The following RBMS1 variants were observed in gnomAD, a reference collection of about 807,000 sequenced individuals.
RBMS1 encodes RNA-binding motif, single-stranded-interacting protein 1.
In RBMS1, 17 loss-of-function variants were observed where a neutral mutation model predicts 62.3. That is an observed-to-expected ratio of 0.27 (90% CI 0.19 to 0.41). The LOEUF is 0.41. RBMS1 is among the 10% of genes least tolerant of loss of function. The pLI is 1.00. For missense variants in RBMS1, 334 were observed against 504.5 expected, an observed-to-expected ratio of 0.66 and a Z score of 3.24; for synonymous variants, 172 against 170.0, an observed-to-expected ratio of 1.01 and a Z score of -0.09.
chr2:160,370,232 G>A (rs1031218807), intron 1 of RBMS1, among the ~76,000 whole-genome samples: 4 of 152,218 alleles, frequency 2.6e-5, no homozygotes, highest in African/African-American at 4.8e-5. Flanking sequence ...GGGGCTAACT[G>A]AAGACAGAGA....
intron 2 of RBMS1, among the ~76,000 whole-genome samples, chr2:160,361,245 A>G (rs1693111664): frequency 6.6e-6 from 1 of 152,260 alleles, no homozygotes; most frequent in African/African-American, 2.4e-5. Context: ...TATGATGTCA[A>G]TACCACAGCA....
chr2:160,345,772 T>G (rs1692140908), intron 2 of RBMS1, among the ~76,000 whole-genome samples: 1 of 152,070 alleles, frequency 6.6e-6, no homozygotes, highest in Non-Finnish European at 1.5e-5. Context: ...TTGGCTAGAG[T>G]CTGTTTTCTA....
chr2:160,449,348 T>C (rs1341330113), intron 1 of RBMS1, among the ~76,000 whole-genome samples: 1 of 152,180 alleles, frequency 6.6e-6, no homozygotes, highest in Non-Finnish European at 1.5e-5. Context: ...TCATTGAGAA[T>C]GGGCCATGAT....
rs376299223 is a variant in RBMS1 at position 160,284,755 on chromosome 2, C to T, written c.900+20G>A. 6.2e-5 allele frequency: 94 copies of T among 1,527,538 alleles called. No homozygotes were observed. Among genetic ancestry groups the T allele is most frequent in the Non-Finnish European group, 7.8e-5 (86 of 1,101,420 alleles). 94.6% of individuals were successfully genotyped at this position (1,527,538 alleles called of 1,614,324 possible). A position where few individuals can be genotyped will look rare whatever the true frequency, so the allele number is the denominator to read the frequency against. On this transcript the variant is annotated intron_variant, in intron 9 of 13. Coordinates refer to ENST00000348849, the MANE Select transcript of RBMS1 (RefSeq NM_016836.4). ...GGTCCGCAAGTGGTTATACTGCTGACGAATCCTAAAGGTACAAACCTGGTA... is the reference window on the plus strand; with the variant it reads ...GGTCCGCAAGTGGTTATACTGCTGATGAATCCTAAAGGTACAAACCTGGTA...
At chr2:160,437,647 G>A (rs1033294585) in intron 1 of RBMS1, among the ~76,000 whole-genome samples, 12 of 152,192 alleles carry the variant, frequency 7.9e-5, no homozygotes, top group East Asian at 1.9e-4. Flanking sequence ...ACTTCCCAAG[G>A]GTTTGATGGA....
intron 10 of RBMS1, chr2:160,279,783 G>A (rs533866042): frequency 5.5e-4 from 84 of 152,282 alleles, no homozygotes; most frequent in African/African-American, 1.9e-3. Context: ...AGAGTTAGGT[G>A]TACAGGAACT....
intron 1 of RBMS1, among the ~76,000 whole-genome samples, chr2:160,457,447 A>C (rs561205579): frequency 6.6e-6 from 1 of 152,302 alleles, no homozygotes; most frequent in East Asian, 1.9e-4. Context: ...TGAAAGGAGT[A>C]AACTGAGGCT....
chr2:160,379,797 C>T (rs556565710), intron 1 of RBMS1, among the ~76,000 whole-genome samples: 104 of 152,094 alleles, frequency 6.8e-4, no homozygotes, highest in Non-Finnish European at 1.2e-3. Context: ...ATCTCTTTTA[C>T]CAAAATGTGC....
At chr2:160,317,743 ACTACT>A (rs1341643254) in intron 3 of RBMS1, among the ~76,000 whole-genome samples, 1 of 152,190 alleles carries the variant, frequency 6.6e-6, no homozygotes, top group Non-Finnish European at 1.5e-5. Flanking sequence ...ACTGCTTAAA[ACTACT>A]CTATTCTAAT....
intron 1 of RBMS1, among the ~76,000 whole-genome samples, chr2:160,491,451 G>C (rs1384834653): frequency 6.6e-6 from 1 of 152,170 alleles, no homozygotes; most frequent in African/African-American, 2.4e-5. Context: ...TCTGGGATCC[G>C]ACCCTAATTA....
At chr2:160,484,359 G>A (rs891279054) in intron 1 of RBMS1, among the ~76,000 whole-genome samples, 17 of 151,694 alleles carry the variant, frequency 1.1e-4, no homozygotes, top group African/African-American at 4.1e-4. Context: ...GCCGGACGTG[G>A]TGGCGGGCGC....
chr2:160,311,234 A>ATATATC (rs1553505434), intron 4 of RBMS1, among the ~76,000 whole-genome samples: 8 of 107,424 alleles, frequency 7.4e-5, no homozygotes, highest in South Asian at 3.2e-4. Context: ...CTATCTATCT[A>ATATATC]TATATATATA....
chr2:160,322,626 C>A (rs1336175744), intron 2 of RBMS1, among the ~76,000 whole-genome samples: 1 of 152,216 alleles, frequency 6.6e-6, no homozygotes, highest in Non-Finnish European at 1.5e-5. Flanking sequence ...ACAAGTGGCA[C>A]AGGAAGCTGC....
At chr2:160,326,829 A>C (rs1343176336) in intron 2 of RBMS1, among the ~76,000 whole-genome samples, 1 of 152,224 alleles carries the variant, frequency 6.6e-6, no homozygotes, top group Non-Finnish European at 1.5e-5. Flanking sequence ...AGAAGTCTTA[A>C]ATGCTTAACT....
At chr2:160,307,995 G>T (rs1689630376) in intron 4 of RBMS1, among the ~76,000 whole-genome samples, 2 of 152,124 alleles carry the variant, frequency 1.3e-5, no homozygotes, top group African/African-American at 4.8e-5. Context: ...ATTATATAAA[G>T]ATGAAAGACT....
At chr2:160,407,340 C>A in intron 1 of RBMS1, 2 of 985,472 alleles carry the variant, frequency 2.0e-6, no homozygotes, top group Non-Finnish European at 2.4e-6. Flanking sequence ...CCGCGGCCGC[C>A]TTCCTGGGAA....
chr2:160,424,121 T>C (rs1696546193), intron 1 of RBMS1, among the ~76,000 whole-genome samples: 3 of 151,480 alleles, frequency 2.0e-5, no homozygotes, highest in Admixed American at 6.6e-5. Context: ...TGGGTTCAAG[T>C]GATTCTCCTG....
chr2:160,292,930 C>T (rs1026069967), intron 6 of RBMS1, among the ~76,000 whole-genome samples: 1 of 152,230 alleles, frequency 6.6e-6, no homozygotes, highest in Admixed American at 6.5e-5. Context: ...CCTTGCCCCA[C>T]TGGCCACCTA....
chr2:160,355,372 C>T (rs1051273327), intron 2 of RBMS1, among the ~76,000 whole-genome samples: 1 of 152,120 alleles, frequency 6.6e-6, no homozygotes, highest in Non-Finnish European at 1.5e-5. Flanking sequence ...ATAAAGCAAA[C>T]AGGCACTCAA....
Sources: gnomAD v4.1 joint callset for allele counts (sites outside exome capture counted in the v4.1 genomes callset) on GRCh38, gnomAD v4.1.1 for gene constraint, MANE v1.5 for transcripts, NCBI Gene and HGNC (gene_info 2026-07-23, HGNC 2026-07-21) for gene names.